Variants in ARHGAP15 observed in about 807,000 individuals in gnomAD.
ARHGAP15 encodes the protein rho GTPase-activating protein 15.
Under a neutral mutation model 63.7 loss-of-function variants are expected in ARHGAP15, and 51 were observed. That is an observed-to-expected ratio of 0.80 (90% confidence interval 0.64 to 1.01). The LOEUF (loss-of-function observed/expected upper bound fraction) is 1.01, where lower values mean the gene tolerates loss of function less well. Among genes scored for constraint, ARHGAP15 ranks in the 50% least tolerant of loss-of-function variants. The pLI is 0.00. For synonymous variants in ARHGAP15, 191 were observed against 193.8 expected (o/e 0.99, Z 0.12); for missense variants, 560 against 564.6 (o/e 0.99, Z 0.08).
chr2:143,224,532 T>A (rs1337438183), intron 4 of ARHGAP15, among the ~76,000 whole-genome samples: 3 of 152,122 alleles, frequency 2.0e-5, no homozygotes, highest in Non-Finnish European at 4.4e-5. Context: ...GCAAAAACTG[T>A]GTTTATCCTA....
At chr2:143,592,138 C>T (rs1458609482) in intron 11 of ARHGAP15, among the ~76,000 whole-genome samples, 2 of 151,980 alleles carry the variant, frequency 1.3e-5, no homozygotes. Context: ...CTAATATATC[C>T]TCATTTGTTT....
At chr2:143,354,491 A>C (rs1685721099) in intron 6 of ARHGAP15, among the ~76,000 whole-genome samples, 1 of 152,104 alleles carries the variant, frequency 6.6e-6, no homozygotes, top group African/African-American at 2.4e-5. Flanking sequence ...GCACCAGTTT[A>C]ATGAGGTCTC....
At chr2:143,337,771 G>A (rs749798587) in intron 6 of ARHGAP15, among the ~76,000 whole-genome samples, 7 of 152,218 alleles carry the variant, frequency 4.6e-5, no homozygotes, top group Non-Finnish European at 5.9e-5. Flanking sequence ...CTGCTTATTC[G>A]ATAGCAAAAT....
chr2:143,582,367 A>G (rs774954126), intron 11 of ARHGAP15, among the ~76,000 whole-genome samples: 4 of 152,196 alleles, frequency 2.6e-5, no homozygotes, highest in Non-Finnish European at 5.9e-5. Flanking sequence ...AATCGAGGGC[A>G]CTACTTTTGA....
At chr2:143,321,411 A>G (rs1319129006) in intron 6 of ARHGAP15, among the ~76,000 whole-genome samples, 5 of 152,226 alleles carry the variant, frequency 3.3e-5, no homozygotes, top group African/African-American at 4.8e-5. Flanking sequence ...TTGCTCTCAT[A>G]GTCGGTTCAC....
intron 10 of ARHGAP15, among the ~76,000 whole-genome samples, chr2:143,526,223 T>G (rs531573672): frequency 6.6e-6 from 1 of 152,194 alleles, no homozygotes; most frequent in South Asian, 2.1e-4. Context: ...TAACAGAAGT[T>G]AATGTAGGAA....
intron 5 of ARHGAP15, among the ~76,000 whole-genome samples, chr2:143,230,676 T>G (rs1483607560): frequency 6.6e-6 from 1 of 152,224 alleles, no homozygotes; most frequent in Non-Finnish European, 1.5e-5. Flanking sequence ...GCTAGTCAAC[T>G]TCTTGGATCC....
intron 6 of ARHGAP15, among the ~76,000 whole-genome samples, chr2:143,294,486 C>G (rs1682548299): frequency 6.6e-6 from 1 of 152,038 alleles, no homozygotes; most frequent in African/African-American, 2.4e-5. Flanking sequence ...GGCTGCTTTC[C>G]TGCAGCCATT....
Position 143,456,176 on chromosome 2 carries a change from A to G in ARHGAP15, c.703+19134A>G, listed in dbSNP as rs77940555. Among the ~76,000 whole-genome samples the G allele has an allele frequency of 8.7e-3, 1,320 of 152,202 alleles. 42 individuals are homozygous for G. In the South Asian group the frequency reaches 0.095, roughly 11 times the overall value. ...ACTGGCAGTGAGGGCTAAATAACTTAGCCCCTGAAAGTTCTCAGAATAGTG... is the reference window on the plus strand; with the variant it reads ...ACTGGCAGTGAGGGCTAAATAACTTGGCCCCTGAAAGTTCTCAGAATAGTG... On this transcript the variant is annotated intron_variant, in intron 8 of 13. Coordinates refer to ENST00000295095, the MANE Select transcript of ARHGAP15 (RefSeq NM_018460.4).
chr2:143,349,391 T>A (rs1685457024), intron 6 of ARHGAP15, among the ~76,000 whole-genome samples: 1 of 152,196 alleles, frequency 6.6e-6, no homozygotes, highest in African/African-American at 2.4e-5. Context: ...GTAATTCTGA[T>A]CAGTTCCTTA....
chr2:143,369,545 T>C lies in ARHGAP15; in HGVS notation c.475-66056T>C, dbSNP rs180950741. ...ATTTTGAAAAGGTAATCCTGAGTAA[T>C]GTAGAGCTGTTGATTTTAAACAGAC... On this transcript the variant is annotated intron_variant, in intron 6 of 13. Transcript: ENST00000295095. Among the ~76,000 whole-genome samples, 199 of 152,248 alleles carry C rather than the reference T, an allele frequency of 1.3e-3. 1 individual carries two copies. Among genetic ancestry groups the C allele is most frequent in the African/African-American group, 4.6e-3 (190 of 41,568 alleles).
At chr2:143,242,535 A>G (rs1693904181) in intron 5 of ARHGAP15, among the ~76,000 whole-genome samples, 1 of 152,236 alleles carries the variant, frequency 6.6e-6, no homozygotes, top group African/African-American at 2.4e-5. Flanking sequence ...AGTGTAGAAT[A>G]CTTTCTCCTC....
chr2:143,164,127 TC>T, intron 2 of ARHGAP15, among the ~76,000 whole-genome samples: 1 of 152,164 alleles, frequency 6.6e-6, no homozygotes, highest in East Asian at 1.9e-4. Flanking sequence ...GGGACTTCAG[TC>T]CCTGATGTGT....
intron 2 of ARHGAP15, among the ~76,000 whole-genome samples, chr2:143,184,666 A>G (rs1411860624): frequency 6.6e-6 from 1 of 151,604 alleles, no homozygotes; most frequent in East Asian, 1.9e-4. Flanking sequence ...CCGCCTAGCT[A>G]ATACAGTCCT....
chr2:143,164,646 C>T (rs1468376057), intron 2 of ARHGAP15, among the ~76,000 whole-genome samples: 1 of 151,922 alleles, frequency 6.6e-6, no homozygotes, highest in Non-Finnish European at 1.5e-5. Flanking sequence ...TGAAAAAACC[C>T]AGGGGAAATT....
rs1239443175 is a variant in ARHGAP15 at position 143,768,044 on chromosome 2, T to C, written c.1300T>C (p.Phe434Leu). The C allele has an allele frequency of 3.7e-6, 6 of 1,613,712 alleles. No individual in the cohort carries two copies. The highest frequency in any genetic ancestry group is 1.7e-5 in the Admixed American group (1 of 59,968). ...LMSTQSLGIV[F>L]GPTLLRAENE... ...GTCCACGCAAAGCTTGGGGATTGTA[T>C]TTGGACCTACCCTTCTGCGAGCTGA... Residue 434 changes from phenylalanine (F) to leucine (L), a missense_variant, in exon 14 of 14, where the codon TTT becomes CTT. By Grantham distance (22) the Phe-to-Leu change is conservative. Transcript: ENST00000295095.
At chr2:143,587,308 C>A (rs1408249748) in intron 11 of ARHGAP15, among the ~76,000 whole-genome samples, 2 of 152,086 alleles carry the variant, frequency 1.3e-5, no homozygotes, top group Non-Finnish European at 2.9e-5. Context: ...TACAGTATTT[C>A]ACAGTACATA....
chr2:143,615,213 A>G (rs1698410072), intron 11 of ARHGAP15, among the ~76,000 whole-genome samples: 1 of 152,204 alleles, frequency 6.6e-6, no homozygotes, highest in Admixed American at 6.6e-5. Flanking sequence ...TTAATTGACA[A>G]CTAACAGATG....
At chr2:143,519,767 T>G (rs1693981345) in intron 10 of ARHGAP15, among the ~76,000 whole-genome samples, 1 of 152,226 alleles carries the variant, frequency 6.6e-6, no homozygotes, top group South Asian at 2.1e-4. Flanking sequence ...AATAGCATTC[T>G]GAATCACAGA....
Sources: allele counts gnomAD v4.1 joint callset (sites outside exome capture counted in the v4.1 genomes callset), GRCh38; gene constraint gnomAD v4.1.1; transcripts MANE v1.5; gene names NCBI Gene and HGNC (gene_info 2026-07-23, HGNC 2026-07-21).